The following TNRC6C variants were observed in gnomAD, a reference collection of about 807,000 sequenced individuals.
TNRC6C encodes the protein trinucleotide repeat containing adaptor 6C.
In TNRC6C, 20 loss-of-function variants were observed where a neutral mutation model predicts 153.7. That is an observed-to-expected ratio of 0.13 (90% CI 0.09 to 0.19). TNRC6C has a LOEUF of 0.19. Ranked by LOEUF, TNRC6C falls within the 10% of genes least tolerant of loss-of-function variation. The pLI, the probability that TNRC6C is intolerant of heterozygous loss-of-function variation, is 1.00. For missense variants in TNRC6C, 1,987 were observed against 2,172.0 expected (o/e 0.91, Z 1.69); for synonymous variants, 811 against 841.4 (o/e 0.96, Z 0.63).
At chr17:77,971,755 T>G (rs970154596) in intron 1 of TNRC6C, among the ~76,000 whole-genome samples, 2 of 152,002 alleles carry the variant, frequency 1.3e-5, no homozygotes, top group Admixed American at 6.6e-5. Flanking sequence ...CCCATTGACT[T>G]CTCTCTTTCA....
In TNRC6C at chr17:78,051,117, GA is replaced by G; in HGVS notation, c.2058del (p.Lys686AsnfsTer57). 6.3e-7 allele frequency: 1 copy of G among 1,586,424 alleles called. No individual in the cohort carries two copies. Among genetic ancestry groups the G allele is most frequent in the Non-Finnish European group, 8.6e-7 (1 of 1,165,474 alleles). ...GTAACTGGGGAGGAGCTGCTTCTGTGAAACAGACAGGAACAGGGTGGATCGG... is the reference window on the plus strand; with the variant it reads ...GTAACTGGGGAGGAGCTGCTTCTGTGAACAGACAGGAACAGGGTGGATCGG... On this transcript the variant is annotated frameshift_variant, in exon 3 of 20. Transcript: ENST00000301624. LOFTEE classifies it high-confidence loss of function.
intron 2 of TNRC6C, among the ~76,000 whole-genome samples, chr17:78,037,659 G>C (rs1050768532): frequency 4.6e-5 from 7 of 152,294 alleles, no homozygotes; most frequent in African/African-American, 1.4e-4. Flanking sequence ...ATTGTGGCGG[G>C]GGGCAGTGGG....
At chr17:77,983,370 A>T (rs1337714256) in intron 1 of TNRC6C, among the ~76,000 whole-genome samples, 1 of 152,182 alleles carries the variant, frequency 6.6e-6, no homozygotes, top group Non-Finnish European at 1.5e-5. Flanking sequence ...CACTCTCCTG[A>T]CTAGAGTGCT....
chr17:77,970,834 C>T (rs556803236), intron 1 of TNRC6C, among the ~76,000 whole-genome samples: 2 of 152,186 alleles, frequency 1.3e-5, no homozygotes, highest in South Asian at 4.2e-4. Context: ...CACAGCAAGA[C>T]CCTTGTCTTT....
intron 2 of TNRC6C, 90 bp downstream of exon 4, chr17:78,031,932 T>TG (rs1281856534): frequency 8.8e-7 from 1 of 1,140,780 alleles, no homozygotes; most frequent in Non-Finnish European, 1.1e-6. Flanking sequence ...AGACATATTT[T>TG]GGTCCATACT....
At chr17:78,056,467 CTT>C (rs1158479097) in intron 3 of TNRC6C, among the ~76,000 whole-genome samples, 6 of 138,942 alleles carry the variant, frequency 4.3e-5, no homozygotes, top group Non-Finnish European at 3.2e-5. Context: ...CCAGAAACTA[CTT>C]TTTTTTTTTT....
At chr17:77,961,386 C>T (rs1169362919) in intron 1 of TNRC6C, among the ~76,000 whole-genome samples, 1 of 152,170 alleles carries the variant, frequency 6.6e-6, no homozygotes, top group Non-Finnish European at 1.5e-5. Context: ...GAACTCCTGA[C>T]TTCAGGTGAT....
At chr17:77,959,079 GC>G (rs905700387), upstream of TNRC6C, among the ~76,000 whole-genome samples, 12 of 143,898 alleles carry the variant, frequency 8.3e-5, no homozygotes, top group African/African-American at 2.7e-4. Flanking sequence ...CCGCCCACTC[GC>G]CCGCGCCGCC....
upstream of TNRC6C, among the ~76,000 whole-genome samples, chr17:77,999,879 G>C (rs1236999977): frequency 6.6e-6 from 1 of 152,200 alleles, no homozygotes; most frequent in Non-Finnish European, 1.5e-5. Context: ...TAGAAAGTTG[G>C]AGTCTTACGT....
At chr17:78,056,857 T>TTC (rs1490816560) in intron 3 of TNRC6C, among the ~76,000 whole-genome samples, 5 of 152,192 alleles carry the variant, frequency 3.3e-5, no homozygotes, top group East Asian at 3.9e-4. Flanking sequence ...GCCAAAATAA[T>TTC]TCTCTTTTAT....
upstream of TNRC6C, among the ~76,000 whole-genome samples, chr17:78,003,796 C>T (rs754256812): frequency 5.3e-5 from 8 of 152,134 alleles, no homozygotes; most frequent in African/African-American, 1.2e-4. Flanking sequence ...AGGCTTGGTG[C>T]GTCACACTGG....
At chr17:78,008,944 A>C (rs375920778) in intron 1 of TNRC6C, 1 of 152,278 alleles carries the variant, frequency 6.6e-6, no homozygotes. Context: ...CTGGATCCCT[A>C]TCCCTTCAAG....
At chr17:78,004,185 AAC>A, upstream of TNRC6C, 2 of 1,231,824 alleles carry the variant, frequency 1.6e-6, no homozygotes, top group South Asian at 4.1e-5. Flanking sequence ...AAGAGCAAGA[AAC>A]ACAAGAAGAG....
intron 2 of TNRC6C, among the ~76,000 whole-genome samples, chr17:78,044,920 T>TTTAAATTTCCCATCAAATTTAAAA (rs2072375519): frequency 6.6e-6 from 1 of 152,072 alleles, no homozygotes; most frequent in Admixed American, 6.5e-5. Flanking sequence ...GTCCATGGAT[T>TTTAAATTTCCCATCAAATTTAAAA]TGAGATGGGA....
At chr17:78,050,674 G>A (rs201644892) in exon 3 of TNRC6C, 1 of 1,560,338 alleles carries the variant, frequency 6.4e-7, no homozygotes, top group Non-Finnish European at 8.7e-7. Flanking sequence ...GGGGGTTTGG[G>A]GGGACTCGAT....
intron 16 of TNRC6C, among the ~76,000 whole-genome samples, chr17:78,094,642 G>A (rs1474949749): frequency 2.0e-5 from 3 of 152,052 alleles, no homozygotes; most frequent in African/African-American, 7.2e-5. Flanking sequence ...GTTTCACCAT[G>A]TTTGCCAGGC....
At chr17:78,064,584 C>A (rs554004387) in intron 3 of TNRC6C, 138 bp from the exon 6 acceptor site, 2 of 783,008 alleles carry the variant, frequency 2.6e-6, no homozygotes, top group South Asian at 3.3e-5. Flanking sequence ...ATACATTTGC[C>A]TCCTTTAAAT....
chr17:78,067,964 A>G (rs745546410), intron 5 of TNRC6C, 41 bp downstream of exon 7: 7 of 1,559,668 alleles, frequency 4.5e-6, no homozygotes, highest in Non-Finnish European at 6.0e-6. Context: ...CCTGAAAACC[A>G]AAGGTACTTC....
intron 2 of TNRC6C, among the ~76,000 whole-genome samples, chr17:78,033,277 A>G (rs1283719734): frequency 6.6e-6 from 1 of 152,236 alleles, no homozygotes; most frequent in East Asian, 1.9e-4. Context: ...AATTAAGTCA[A>G]TAAAATCTTG....
Sources: gnomAD v4.1 joint callset for allele counts (sites outside exome capture counted in the v4.1 genomes callset) on GRCh38, gnomAD v4.1.1 for gene constraint, MANE v1.5 for transcripts, NCBI Gene and HGNC (gene_info 2026-07-23, HGNC 2026-07-21) for gene names.